Variants in NOMO3 observed in about 807,000 individuals in gnomAD.
The protein encoded by NOMO3 is BOS complex subunit NOMO3.
A neutral mutation model predicts 69.9 loss-of-function variants in NOMO3; 15 were observed. That is an observed-to-expected ratio of 0.21 (90% CI 0.14 to 0.33). The LOEUF (loss-of-function observed/expected upper bound fraction) is 0.33, where lower values mean the gene tolerates loss of function less well. Ranked by LOEUF, NOMO3 falls within the 10% of genes least tolerant of loss-of-function variation. The pLI, the probability that NOMO3 is intolerant of heterozygous loss-of-function variation, is 1.00. For synonymous variants in NOMO3, 89 were observed against 301.9 expected (o/e 0.29, Z 7.31); for missense variants, 218 against 761.0 (o/e 0.29, Z 8.39).
At chr16:16,265,013 T>C (rs762954731) in intron 14 of NOMO3, 30 bp from the exon 15 acceptor site, 20 of 1,466,348 alleles carry the variant, frequency 1.4e-5, no homozygotes, top group South Asian at 9.8e-5. Context: ...TCCACGCCCA[T>C]GTATCCGTTT....
rs367313 is a variant in NOMO3 at position 16,267,497 on chromosome 16, C to T, written c.1894+366C>T. ...TCACCCAGGCTGGAGTGTAGTGGCT[C>T]GATCTTGGCTCACTGCAGCCTCCGC... On this transcript the variant is annotated intron_variant, in intron 16 of 30. Transcript: ENST00000399336. Among the ~76,000 whole-genome samples, 457 of 143,178 alleles carry T rather than the reference C, an allele frequency of 3.2e-3. 72 individuals carry two copies. The highest frequency in any genetic ancestry group is 0.013 in the African/African-American group (441 of 34,706). 93.9% of individuals were successfully genotyped at this position (143,178 alleles called of 152,430 possible).
chr16:16,235,761 G>A lies in NOMO3; in HGVS notation c.166-1140G>A, dbSNP rs1322676753. ...GGGCTCAAGTGATCCTCCTTCTTTGGCCTCCCAAAGTGCTGGGATTACAGG... is the reference window on the plus strand; with the variant it reads ...GGGCTCAAGTGATCCTCCTTCTTTGACCTCCCAAAGTGCTGGGATTACAGG... On this transcript the variant is annotated intron_variant, in intron 1 of 30. Transcript: ENST00000399336. 4.6e-6 allele frequency: 2 copies of A among 430,376 alleles called. 1 individual carries two copies. Among genetic ancestry groups the A allele is most frequent in the East Asian group, 1.6e-4 (2 of 12,370 alleles). The allele number at this position is 430,376 out of a possible 1,614,324, so 26.7% of individuals were successfully genotyped here.
intron 11 of NOMO3, among the ~76,000 whole-genome samples, chr16:16,260,557 T>G (rs1483301191): frequency 7.0e-6 from 1 of 143,576 alleles, no homozygotes; most frequent in Admixed American, 6.7e-5. Flanking sequence ...TGTTTTCCAC[T>G]GTTTTTTTAT....
intron 9 of NOMO3, 107 bp from the exon 10 acceptor site, chr16:16,255,613 G>A: frequency 4.5e-6 from 3 of 669,618 alleles, no homozygotes; most frequent in Non-Finnish European, 8.0e-6. Context: ...GTTGGGAGGT[G>A]GGCGGCAGGA....
intron 15 of NOMO3, among the ~76,000 whole-genome samples, chr16:16,265,670 ATTTTTTTTTTT>A (rs59243746): frequency 1.8e-4 from 3 of 16,680 alleles, no homozygotes; most frequent in Admixed American, 1.2e-3. Context: ...ATATATATAT[ATTTTTTTTTTT>A]TTTTTTTTTT....
chr16:16,248,258 G>T (rs2049429889), intron 6 of NOMO3, among the ~76,000 whole-genome samples: 1 of 100,626 alleles, frequency 9.9e-6, no homozygotes. Flanking sequence ...GCTAATTTTT[G>T]TATTTTTAGT....
chr16:16,265,289 T>C (rs1428711875), intron 15 of NOMO3, 110 bp downstream of exon 15: 1 of 1,577,670 alleles, frequency 6.3e-7, no homozygotes, highest in East Asian at 2.6e-5. Context: ...AGATTTCCTT[T>C]TCTGCCTCTG....
intron 3 of NOMO3, among the ~76,000 whole-genome samples, chr16:16,241,151 C>G (rs2049370871): frequency 6.9e-6 from 1 of 144,752 alleles, no homozygotes; most frequent in Non-Finnish European, 1.5e-5. Context: ...CCAGAAGTCC[C>G]CATCCTGGGT....
chr16:16,263,300 C>G, intron 13 of NOMO3, 85 bp downstream of exon 13: 3 of 1,593,634 alleles, frequency 1.9e-6, no homozygotes, highest in Non-Finnish European at 2.5e-6. Flanking sequence ...TTTGTTTTGC[C>G]TTTGTTGTTT....
chr16:16,259,556 C>G (rs1209067050), intron 11 of NOMO3, among the ~76,000 whole-genome samples: 1 of 112,212 alleles, frequency 8.9e-6, no homozygotes, highest in Admixed American at 8.8e-5. Flanking sequence ...GTCTCGAACT[C>G]CTGACCTCAA....
rs368981794 is a variant in NOMO3, at chr16:16,237,214, C to T, written c.255+224C>T. 1.5e-3 allele frequency among the ~76,000 whole-genome samples: 220 copies of T among 144,766 alleles called. 31 individuals are homozygous for T. In the South Asian group the frequency reaches 0.046, roughly 31 times the overall value. The allele number at this position is 144,766 out of a possible 152,430, so 95.0% of individuals were successfully genotyped here. ...AGGACCATTTGGCAATGTCTAGAGA[C>T]GTTTTTGTTGTGACATCTGTGGCTG... On this transcript the variant is annotated intron_variant, in intron 2 of 30. Transcript: ENST00000399336.
In NOMO3 at chr16:16,256,161, A is replaced by G. The variant is rs747869520; in HGVS notation, c.1220+3A>G. 4.4e-6 allele frequency: 7 copies of G among 1,588,132 alleles called. 1 individual carries two copies. The highest frequency in any genetic ancestry group is 6.0e-6 in the Non-Finnish European group (7 of 1,175,058). On this transcript the variant is annotated splice_donor_region_variant and intron_variant, in intron 11 of 30. Transcript: ENST00000399336. ...CTGGCTGACATTGTTGCAACAGGGT[A>G]AGCTTATCGTGTGGATTTGGAAGCA... is the stretch of plus-strand genomic sequence containing the variant.
intron 9 of NOMO3, 136 bp from the exon 10 acceptor site, chr16:16,255,584 C>T: frequency 1.6e-6 from 1 of 635,636 alleles, no homozygotes; most frequent in South Asian, 1.8e-5. Context: ...GGCTGGCACA[C>T]AGGACCGGGG....
rs372884205 is a variant in NOMO3, at chr16:16,265,053, G to A, written c.1680G>A (p.Met560Ile). ...TGTTTGCTTTTGCAGTAAGCATCATGCATGAGGATTGGTGCTGGAAGAACA... is the reference window on the plus strand; with the variant it reads ...TGTTTGCTTTTGCAGTAAGCATCATACATGAGGATTGGTGCTGGAAGAACA... Reference protein sequence around the residue: ...VLPGKYKISIMHEDWCWKNKS... With the variant: ...VLPGKYKISIIHEDWCWKNKS... Residue 560 changes from methionine to isoleucine, a missense_variant, in exon 15 of 31, where the codon ATG becomes ATA. Coordinates refer to ENST00000399336, the MANE Select transcript of NOMO3 (RefSeq NM_001004067.4). The A allele has an allele frequency of 9.0e-5, 141 of 1,560,898 alleles. 8 individuals carry two copies. Among genetic ancestry groups the A allele is most frequent in the Middle Eastern group, 2.3e-4 (1 of 4,324 alleles).
In NOMO3 at chr16:16,258,823, C is replaced by A. The variant is rs1242740797; in HGVS notation, c.1220+2665C>A. Among the ~76,000 whole-genome samples the A allele has an allele frequency of 2.1e-5, 3 of 141,726 alleles. 1 individual carries two copies. Among genetic ancestry groups the A allele is most frequent in the African/African-American group, 8.8e-5 (3 of 33,922 alleles). 93.0% of individuals were successfully genotyped at this position (141,726 alleles called of 152,430 possible). ...GGGGTTGCAGTGAGCTGAGATTGCA[C>A]CATTGCACTCCAGCCTGGGCGACAG... On this transcript the variant is annotated intron_variant, in intron 11 of 30. Transcript: ENST00000399336.
At chr16:16,243,521 T>G (rs2049391357) in intron 4 of NOMO3, among the ~76,000 whole-genome samples, 1 of 142,982 alleles carries the variant, frequency 7.0e-6, no homozygotes, top group Non-Finnish European at 1.5e-5. Flanking sequence ...TTTTATTTTT[T>G]ATTTTGAGAC....
At chr16:16,243,949 G>C (rs2049394991) in intron 4 of NOMO3, among the ~76,000 whole-genome samples, 2 of 144,684 alleles carry the variant, frequency 1.4e-5, no homozygotes. Flanking sequence ...CCCAGAGAGA[G>C]CGTGCATCTG....
At chr16:16,234,724 C>G (rs955233735) in intron 1 of NOMO3, among the ~76,000 whole-genome samples, 3 of 150,120 alleles carry the variant, frequency 2.0e-5, no homozygotes, top group African/African-American at 7.5e-5. Flanking sequence ...GAAGCCTTGT[C>G]CCCAGTGTGG....
rs150272825 is a variant in NOMO3 at position 16,266,281 on chromosome 16, G to C, written c.1807-763G>C. Among the ~76,000 whole-genome samples the C allele has an allele frequency of 1.5e-5, 2 of 131,238 alleles. 1 individual carries two copies. The highest frequency in any genetic ancestry group is 5.2e-4 in the East Asian group (2 of 3,824). The allele number at this position is 131,238 out of a possible 152,430, so 86.1% of individuals were successfully genotyped here. ...TTACAAAAACTCCACAGGTCGATTT[G>C]TTATAGGAGATCGATTAATATCCGG... On this transcript the variant is annotated intron_variant, in intron 15 of 30. Transcript: ENST00000399336.
Sources: allele counts gnomAD v4.1 joint callset (sites outside exome capture counted in the v4.1 genomes callset), GRCh38; gene constraint gnomAD v4.1.1; transcripts MANE v1.5; gene names NCBI Gene and HGNC (gene_info 2026-07-23, HGNC 2026-07-21).